The following SYN2 variants were observed in gnomAD, a reference collection of about 807,000 sequenced individuals.
The protein encoded by SYN2 is synapsin-2.
Under a neutral mutation model 50.9 loss-of-function variants are expected in SYN2, and 19 were observed. That is an observed-to-expected ratio of 0.37 (90% CI 0.26 to 0.55). SYN2 has a LOEUF of 0.55. Among genes scored for constraint, SYN2 ranks in the 20% least tolerant of loss-of-function variants. The pLI, the probability that SYN2 is intolerant of heterozygous loss-of-function variation, is 0.81. For missense variants in SYN2, 587 were observed against 576.4 expected (o/e 1.02, Z -0.19); for synonymous variants, 255 against 224.9 (o/e 1.13, Z -1.20).
rs201537340 is a variant in SYN2 at position 12,187,480 on chromosome 3, C to T, written c.1481C>T (p.Ser494Phe). Residue 494 changes from serine (S) to phenylalanine (F), a missense_variant, in exon 12 of 13, where the codon TCC (serine) becomes TTC (phenylalanine). Physicochemically the swap from Ser to Phe is radical, Grantham distance 155 (BLOSUM62 -2). Transcript: ENST00000621198. ...TCCTCCTCTTCCTCCTCTTCTTCCT[C>T]CTCCTCGGCTCCTCAGCGGCCGGGC... Reference protein sequence around the residue: ...PPSSSSSSSSSSSAPQRPGGP... With the variant: ...PPSSSSSSSSFSSAPQRPGGP... 4.5e-4 allele frequency: 705 copies of T among 1,554,446 alleles called. No homozygotes were observed. The highest frequency in any genetic ancestry group is 5.3e-4 in the Non-Finnish European group (605 of 1,148,122).
intron 1 of SYN2, among the ~76,000 whole-genome samples, chr3:12,023,695 C>G (rs978396322): frequency 6.6e-6 from 1 of 152,108 alleles, no homozygotes; most frequent in Non-Finnish European, 1.5e-5. Context: ...AGGTTTTGAT[C>G]AGGGGAGTGA....
At chr3:12,132,042 T>TC (rs1198960967) in intron 1 of SYN2, among the ~76,000 whole-genome samples, 16 of 137,258 alleles carry the variant, frequency 1.2e-4, no homozygotes, top group Non-Finnish European at 2.3e-4. Context: ...TTCTTTTTTT[T>TC]TCTTTTTTTT....
intron 7 of SYN2, among the ~76,000 whole-genome samples, chr3:12,166,547 C>T (rs141772736): frequency 8.4e-4 from 128 of 152,272 alleles, no homozygotes; most frequent in Non-Finnish European, 1.7e-3. Context: ...ATGGAGGGTG[C>T]CGTGGGCACA....
Position 12,113,720 on chromosome 3 carries a change from G to A in SYN2, c.378-26931G>A, listed in dbSNP as rs200726418. Among the ~76,000 whole-genome samples, 27 of 152,132 alleles carry A rather than the reference G, an allele frequency of 1.8e-4. No individual in the cohort carries two copies. In the South Asian group the frequency reaches 3.5e-3, roughly 20 times the overall value. ...ACACAATGTACTAGTTTTGGTGTTC[G>A]ATTTCTTTGACTTAGTGTAATCTTT... is the stretch of plus-strand genomic sequence containing the variant. On this transcript the variant is annotated intron_variant, in intron 1 of 12. Transcript: ENST00000621198.
chr3:12,185,556 T>A, intron 11 of SYN2: 2 of 985,904 alleles, frequency 2.0e-6, no homozygotes, highest in Non-Finnish European at 2.4e-6. Flanking sequence ...TGTGTCACAG[T>A]ATAGGATTGC....
At chr3:12,190,468 C>T in intron 12 of SYN2, 22 bp from the exon 13 acceptor site, 9 of 1,613,510 alleles carry the variant, frequency 5.6e-6, no homozygotes, top group Non-Finnish European at 7.6e-6. Flanking sequence ...CTCTCACATT[C>T]TCTCTGGTTT....
chr3:12,162,194 G>A (rs377016391), intron 7 of SYN2, 40 bp downstream of exon 7: 65 of 1,601,598 alleles, frequency 4.1e-5, no homozygotes, highest in Non-Finnish European at 5.3e-5. Flanking sequence ...CAGTGATGAT[G>A]GAAAAGCTGA....
chr3:12,179,497 G>T (rs1398831447), intron 10 of SYN2, among the ~76,000 whole-genome samples: 4 of 151,780 alleles, frequency 2.6e-5, no homozygotes, highest in Admixed American at 2.6e-4. Context: ...TCCAAGCACT[G>T]CTGAAATACC....
chr3:12,027,455 C>G (rs2125139319), intron 1 of SYN2, among the ~76,000 whole-genome samples: 1 of 152,246 alleles, frequency 6.6e-6, no homozygotes, highest in South Asian at 2.1e-4. Context: ...TGAGATGTCC[C>G]TAGATCCTAT....
chr3:12,124,196 T>C (rs2125204547), intron 1 of SYN2, among the ~76,000 whole-genome samples: 1 of 151,940 alleles, frequency 6.6e-6, no homozygotes, highest in East Asian at 1.9e-4. Flanking sequence ...AAAATAAAAA[T>C]AGAAAAAACT....
Position 12,190,476 on chromosome 3 carries a change from T to G in SYN2, c.1614-14T>G. 6.2e-7 allele frequency: 1 copy of G among 1,613,634 alleles called. No homozygotes were observed. Among genetic ancestry groups the G allele is most frequent in the African/African-American group, 1.3e-5 (1 of 75,032 alleles). ...CACCACCCTCTCACATTCTCTCTGG[T>G]TTTTATCTTCAAGCAAGTCGCAGTC... is the stretch of plus-strand genomic sequence containing the variant. On this transcript the variant is annotated splice_polypyrimidine_tract_variant and intron_variant, in intron 12 of 12. Coordinates refer to ENST00000621198, the MANE Select transcript of SYN2 (RefSeq NM_133625.6).
At chr3:12,142,838 A>G (rs17035913) in intron 3 of SYN2, among the ~76,000 whole-genome samples, 11,991 of 152,262 alleles carry the variant, frequency 0.079, 583 homozygotes, top group African/African-American at 0.13. Flanking sequence ...GTAACCTGAC[A>G]GGCTTCCAGT....
intron 1 of SYN2, among the ~76,000 whole-genome samples, chr3:12,110,818 A>G (rs1479667258): frequency 6.6e-6 from 1 of 152,042 alleles, no homozygotes; most frequent in Non-Finnish European, 1.5e-5. Context: ...AATTTCTCCC[A>G]TTTGGAAAGG....
At chr3:12,075,585 G>A (rs1695451816) in intron 1 of SYN2, among the ~76,000 whole-genome samples, 1 of 151,970 alleles carries the variant, frequency 6.6e-6, no homozygotes. Context: ...TTTCTTCTTA[G>A]CCTTGCAGTT....
At chr3:12,140,855 C>T in intron 2 of SYN2, 147 bp downstream of exon 2, 1 of 667,462 alleles carries the variant, frequency 1.5e-6, no homozygotes, top group East Asian at 2.7e-5. Context: ...CTATCCTTTC[C>T]CCAGGACCTT....
At chr3:12,085,573 A>G (rs1446227508) in intron 1 of SYN2, among the ~76,000 whole-genome samples, 2 of 152,206 alleles carry the variant, frequency 1.3e-5, no homozygotes, top group East Asian at 1.9e-4. Context: ...TTCCAACTAC[A>G]GTGGTATGAA....
chr3:12,087,603 A>T (rs77172486), intron 1 of SYN2, among the ~76,000 whole-genome samples: 4 of 151,966 alleles, frequency 2.6e-5, no homozygotes, highest in Non-Finnish European at 5.9e-5. Context: ...GAAAAAAAAA[A>T]TAGCTAGGAG....
chr3:12,158,913 G>T, intron 5 of SYN2: 1 of 1,438,436 alleles, frequency 7.0e-7, no homozygotes, highest in Non-Finnish European at 9.1e-7. Flanking sequence ...CCTTCCCAAG[G>T]CCGTTGTGCC....
intron 1 of SYN2, among the ~76,000 whole-genome samples, chr3:12,020,126 A>G (rs1574890021): frequency 6.6e-6 from 1 of 152,320 alleles, no homozygotes; most frequent in Admixed American, 6.5e-5. Context: ...TTCTTCTGGT[A>G]TATTTCAGAC....
Sources: allele counts gnomAD v4.1 joint callset (sites outside exome capture counted in the v4.1 genomes callset), GRCh38; gene constraint gnomAD v4.1.1; transcripts MANE v1.5; gene names NCBI Gene and HGNC (gene_info 2026-07-23, HGNC 2026-07-21).